Variants in PCDHGA3 observed in about 807,000 individuals in gnomAD.
The protein encoded by PCDHGA3 is protocadherin gamma-A3.
In PCDHGA3, 40 loss-of-function variants were observed where a neutral mutation model predicts 58.5. The observed-to-expected ratio is 0.68, with a 90% CI of 0.53 to 0.89. The LOEUF is 0.89. Among genes scored for constraint, PCDHGA3 ranks in the 40% least tolerant of loss-of-function variants. The pLI, the probability that PCDHGA3 is intolerant of heterozygous loss-of-function variation, is 0.00. For missense variants in PCDHGA3, 1,223 were observed against 1,195.9 expected (o/e 1.02, Z -0.33); for synonymous variants, 530 against 525.7 (o/e 1.01, Z -0.11).
intron 1 of PCDHGA3, chr5:141,389,542 G>A (rs765744557): frequency 5.0e-6 from 8 of 1,613,080 alleles, no homozygotes; most frequent in African/African-American, 2.7e-5. Flanking sequence ...GTGGACGACC[G>A]CAACGACAAT....
rs751563833 is a variant in PCDHGA3 at position 141,421,382 on chromosome 5, A to T, written c.2425-73425A>T. 5.6e-6 allele frequency: 9 copies of T among 1,613,906 alleles called. No homozygotes were observed. The South Asian group carries it at 8.8e-5, about 16-fold the overall frequency. ...TCCTTCGTGGGCAATATCTCCAAGG[A>T]CCTGGGGCTGGAGCCCCGGGAGCTG... On this transcript the variant is annotated intron_variant, in intron 1 of 3. Transcript: ENST00000253812.
chr5:141,417,618 G>C, intron 1 of PCDHGA3: 3 of 654,348 alleles, frequency 4.6e-6, no homozygotes, highest in Non-Finnish European at 7.4e-6. Flanking sequence ...CCAGTGCAGA[G>C]CAAGCGCTGA....
chr5:141,415,423 G>T (rs2154545734), intron 1 of PCDHGA3: 1 of 1,614,204 alleles, frequency 6.2e-7, no homozygotes, highest in Non-Finnish European at 8.5e-7. Context: ...CGTGGACGGG[G>T]TTCGGGCTTT....
intron 1 of PCDHGA3, chr5:141,404,696 G>T: frequency 6.2e-7 from 1 of 1,614,104 alleles, no homozygotes; most frequent in South Asian, 1.1e-5. Flanking sequence ...ACCCCGCTCT[G>T]CAGAGCCTGG....
intron 2 of PCDHGA3, among the ~76,000 whole-genome samples, chr5:141,504,786 C>A (rs568185327): frequency 6.6e-6 from 1 of 152,014 alleles, no homozygotes; most frequent in South Asian, 2.1e-4. Context: ...TCTCTTGGGG[C>A]CTCCTACATC....
intron 1 of PCDHGA3, chr5:141,376,446 GC>G (rs1772699263): frequency 6.2e-7 from 1 of 1,614,074 alleles, no homozygotes. Flanking sequence ...TATGAGAAAA[GC>G]GAGCCTCTTC....
Position 141,438,593 on chromosome 5 carries a change from T to TAC in PCDHGA3, c.2425-56213_2425-56212insCA, listed in dbSNP as rs1414976871. Reference sequence around the variant, plus strand: ...TGATATACATACATACATACATACATATATATATATATATATATATATATA... The same window carrying TAC: ...TGATATACATACATACATACATACATACATATATATATATATATATATATATA... On this transcript the variant is annotated intron_variant, in intron 1 of 3. Transcript: ENST00000253812. Among the ~76,000 whole-genome samples the TAC allele has an allele frequency of 1.6e-3, 115 of 73,944 alleles. 1 individual carries two copies. The highest frequency in any genetic ancestry group is 2.9e-3 in the African/African-American group (63 of 21,786). The allele number at this position is 73,944 out of a possible 152,430, so 48.5% of individuals were successfully genotyped here. A position where few individuals can be genotyped will look rare whatever the true frequency, so the allele number is the denominator to read the frequency against.
In PCDHGA3 at chr5:141,476,599, TC is replaced by T; in HGVS notation, c.2425-18205del. The T allele has an allele frequency of 6.2e-7, 1 of 1,614,210 alleles. No individual in the cohort carries two copies. ...GCTTTCCGCTCGAGAGCGCGCACGA[TC>T]CCGATGTGGGAAGCAACTCTTTACA... is the stretch of plus-strand genomic sequence containing the variant. On this transcript the variant is annotated intron_variant, in intron 1 of 3. Transcript: ENST00000253812. This position sits in a 1 kb window ranked among gnomAD's most constrained non-coding sequence, Gnocchi z 7.6.
intron 1 of PCDHGA3, chr5:141,399,710 T>C: frequency 6.2e-7 from 1 of 1,613,346 alleles, no homozygotes; most frequent in South Asian, 1.1e-5. Flanking sequence ...GAACTCACAC[T>C]ACAGGCCCGC....
intron 1 of PCDHGA3, among the ~76,000 whole-genome samples, chr5:141,354,236 C>A (rs989909155): frequency 2.0e-5 from 3 of 152,054 alleles, no homozygotes; most frequent in Non-Finnish European, 2.9e-5. Context: ...TTTTTAAGAT[C>A]AGAGTTATTT....
intron 1 of PCDHGA3, among the ~76,000 whole-genome samples, chr5:141,397,434 A>G (rs1343347268): frequency 1.3e-5 from 2 of 152,238 alleles, no homozygotes; most frequent in African/African-American, 4.8e-5. Context: ...TTTCCCTAAT[A>G]TGTGTAATAT....
At position 141,428,093 on chromosome 5, in the gene PCDHGA3, C is replaced by T. The variant is rs577985465; in HGVS notation, c.2425-66714C>T. On this transcript the variant is annotated intron_variant, in intron 1 of 3. Transcript: ENST00000253812. ...ATTCGGGACACAACGCTTGGCTGTC[C>T]TACCACGTGCTGCAGGCCATCGAGC... 2.4e-4 allele frequency: 380 copies of T among 1,608,880 alleles called. 2 individuals are homozygous for T. The South Asian group carries it at 4.0e-3, about 17-fold the overall frequency.
intron 1 of PCDHGA3, chr5:141,382,648 G>A (rs1561591657): frequency 2.5e-6 from 1 of 403,370 alleles, no homozygotes; most frequent in Non-Finnish European, 4.4e-6. Flanking sequence ...CAGTAACTTA[G>A]TAAGGACTCA....
intron 1 of PCDHGA3, among the ~76,000 whole-genome samples, chr5:141,450,145 T>A (rs2098671113): frequency 6.6e-6 from 1 of 151,890 alleles, no homozygotes; most frequent in South Asian, 2.1e-4. Flanking sequence ...TAGCTGGGAC[T>A]ACAGGCATGT....
chr5:141,511,276 T>A lies in PCDHGA3; in HGVS notation c.*103T>A. ...AGAGTTTCAGGGCTAACCCCCAGAA[T>A]ACTGGTAGGGGCCAAGGCCATGCTC... On this transcript the variant is annotated 3_prime_UTR_variant, in exon 4 of 4. Coordinates refer to ENST00000253812, the MANE Select transcript of PCDHGA3 (RefSeq NM_018916.4). 6.5e-7 allele frequency: 1 copy of A among 1,538,086 alleles called. No homozygotes were observed. Among genetic ancestry groups the A allele is most frequent in the Non-Finnish European group, 8.8e-7 (1 of 1,140,722 alleles).
intron 1 of PCDHGA3, among the ~76,000 whole-genome samples, chr5:141,460,628 G>C (rs2098993821): frequency 6.6e-6 from 1 of 151,958 alleles, no homozygotes; most frequent in African/African-American, 2.4e-5. Flanking sequence ...GACAGATACA[G>C]ATATATAACT....
intron 1 of PCDHGA3, 115 bp from the exon 2 acceptor site, chr5:141,494,692 C>G: frequency 6.3e-7 from 1 of 1,581,934 alleles, no homozygotes; most frequent in South Asian, 1.1e-5. Context: ...CCTCTTAGTC[C>G]GTTTTCTTCT....
At chr5:141,470,795 C>T (rs947636574) in intron 1 of PCDHGA3, among the ~76,000 whole-genome samples, 2 of 152,182 alleles carry the variant, frequency 1.3e-5, no homozygotes, top group Non-Finnish European at 2.9e-5. Context: ...TCAAGCAATC[C>T]TCCCACTTCA....
At chr5:141,350,999 A>C in intron 1 of PCDHGA3, 1 of 1,614,076 alleles carries the variant, frequency 6.2e-7, no homozygotes, top group Non-Finnish European at 8.5e-7. Flanking sequence ...ATACAGGGTT[A>C]GCCTCCAAGA....
Sources: allele counts gnomAD v4.1 joint callset (sites outside exome capture counted in the v4.1 genomes callset), GRCh38; gene constraint gnomAD v4.1.1; non-coding constraint Gnocchi (gnomAD v3.1); transcripts MANE v1.5; gene names NCBI Gene and HGNC (gene_info 2026-07-23, HGNC 2026-07-21).